The following ADCY8 variants were observed in gnomAD, a reference collection of about 807,000 sequenced individuals.
The protein encoded by ADCY8 is adenylate cyclase 8.
A neutral mutation model predicts 119.7 loss-of-function variants in ADCY8; 51 were observed. The ratio of observed to expected loss-of-function variants is 0.43; its 90% CI spans 0.34 to 0.54. The LOEUF is 0.54. ADCY8 is among the 20% of genes least tolerant of loss of function. The probability of loss-of-function intolerance (pLI) is 0.03; values close to 1 mark genes in which losing one functional copy is unlikely to be tolerated. For missense variants in ADCY8, 1,383 were observed against 1,598.8 expected, an observed-to-expected ratio of 0.87 and a Z score of 2.30; for synonymous variants, 665 against 651.0, an observed-to-expected ratio of 1.02 and a Z score of -0.33.
intron 11 of ADCY8, among the ~76,000 whole-genome samples, chr8:130,838,464 A>G (rs562592881): frequency 6.6e-6 from 1 of 152,310 alleles, no homozygotes; most frequent in East Asian, 1.9e-4. Context: ...TGACTGGGCA[A>G]TAAGAAGTTC....
In ADCY8 at chr8:130,923,205, AAG is replaced by A. The variant is rs367942267; in HGVS notation, c.1482-13341_1482-13340del. ...TTTTTGGGGGAAATAAAGAAAGGGAAAGAGAGAGAGAGAAAGAGAGAAAAGAA... is the reference window on the plus strand; with the variant it reads ...TTTTTGGGGGAAATAAAGAAAGGGAAAGAGAGAGAGAAAGAGAGAAAAGAA... On this transcript the variant is annotated intron_variant, in intron 5 of 17. Transcript: ENST00000286355. Among the ~76,000 whole-genome samples the A allele has an allele frequency of 2.3e-3, 346 of 152,040 alleles. 1 individual carries two copies. The highest frequency in any genetic ancestry group is 7.9e-3 in the South Asian group (38 of 4,804).
intron 9 of ADCY8, among the ~76,000 whole-genome samples, chr8:130,853,440 A>T (rs1474864807): frequency 6.6e-6 from 1 of 152,200 alleles, no homozygotes; most frequent in Non-Finnish European, 1.5e-5. Context: ...TAACTGTGGG[A>T]TATGAGGGCC....
intron 8 of ADCY8, among the ~76,000 whole-genome samples, chr8:130,882,503 A>T (rs1422943673): frequency 2.6e-5 from 4 of 152,088 alleles, no homozygotes; most frequent in African/African-American, 9.7e-5. Context: ...CTTCGTACGA[A>T]ACCCTGGGAA....
At chr8:131,013,700 A>G (rs1823381755) in intron 1 of ADCY8, among the ~76,000 whole-genome samples, 2 of 152,056 alleles carry the variant, frequency 1.3e-5, no homozygotes, top group African/African-American at 4.8e-5. Context: ...GGCAATTTTT[A>G]TTGGGTAATT....
intron 1 of ADCY8, among the ~76,000 whole-genome samples, chr8:131,008,341 G>A (rs1028023538): frequency 3.9e-5 from 6 of 152,126 alleles, no homozygotes; most frequent in Non-Finnish European, 8.8e-5. Context: ...CCAGATGGAG[G>A]TAATTGAAAC....
chr8:130,973,875 T>A (rs776040006), intron 2 of ADCY8, among the ~76,000 whole-genome samples: 1 of 152,186 alleles, frequency 6.6e-6, no homozygotes, highest in Non-Finnish European at 1.5e-5. Context: ...TATATATCAT[T>A]CAAGGACATA....
chr8:130,896,953 G>A (rs1318255184), intron 7 of ADCY8, among the ~76,000 whole-genome samples: 1 of 152,048 alleles, frequency 6.6e-6, no homozygotes, highest in Non-Finnish European at 1.5e-5. Flanking sequence ...AGAGCTGAAA[G>A]GAATTGTTGG....
intron 7 of ADCY8, among the ~76,000 whole-genome samples, chr8:130,887,736 T>A (rs574883782): frequency 1.3e-5 from 2 of 152,248 alleles, no homozygotes; most frequent in South Asian, 4.2e-4. Context: ...AAAGGCTACA[T>A]GTCTTTGGGG....
chr8:130,830,191 T>C (rs1816788816), intron 12 of ADCY8, among the ~76,000 whole-genome samples: 1 of 152,158 alleles, frequency 6.6e-6, no homozygotes, highest in South Asian at 2.1e-4. Flanking sequence ...ATTATTTTCC[T>C]TTCTAACAAA....
chr8:130,959,146 T>A (rs2130678108), intron 2 of ADCY8, among the ~76,000 whole-genome samples: 1 of 152,340 alleles, frequency 6.6e-6, no homozygotes, highest in African/African-American at 2.4e-5. Flanking sequence ...GTATTACCGG[T>A]TTTTAAAATA....
chr8:130,967,628 A>G (rs1200213172), intron 2 of ADCY8, among the ~76,000 whole-genome samples: 1 of 152,220 alleles, frequency 6.6e-6, no homozygotes, highest in East Asian at 1.9e-4. Flanking sequence ...TCTATAGTCT[A>G]TATTCCATGG....
chr8:130,800,612 A>G, intron 14 of ADCY8, 40 bp from the exon 15 acceptor site: 1 of 1,611,156 alleles, frequency 6.2e-7, no homozygotes, highest in Non-Finnish European at 8.5e-7. Flanking sequence ...AATGGTCATC[A>G]GAGGTCGGTT....
At chr8:130,807,439 AG>A (rs1816002188) in intron 14 of ADCY8, among the ~76,000 whole-genome samples, 1 of 152,178 alleles carries the variant, frequency 6.6e-6, no homozygotes, top group Admixed American at 6.5e-5. Context: ...TAGTATTAAG[AG>A]GTGAGGGCTT....
intron 5 of ADCY8, among the ~76,000 whole-genome samples, chr8:130,923,535 A>G (rs1820377612): frequency 6.6e-6 from 1 of 152,204 alleles, no homozygotes; most frequent in Non-Finnish European, 1.5e-5. Flanking sequence ...CACTGAAAAG[A>G]CCAAGCTCTG....
chr8:130,847,476 T>C lies in ADCY8; in HGVS notation c.2450A>G (p.Asn817Ser). 1 of 1,611,018 alleles carries C rather than the reference T, an allele frequency of 6.2e-7. No individual in the cohort carries two copies. The highest frequency in any genetic ancestry group is 8.5e-7 in the Non-Finnish European group (1 of 1,179,016). The part of the protein sequence containing the change: ...CDFDKSIPLK[N>S]LTFNSSAVFT... ...CACAGCTGAGGAATTGAAAGTCAGG[T>C]TCTTCAAGGGTATCGACTTGTCAAA... Residue 817 changes from asparagine to serine, a missense_variant, in exon 11 of 18, where the codon AAC becomes AGC. Physicochemically the swap from Asn to Ser is conservative, Grantham distance 46. Around this residue, in one of 2 missense-constraint regions of ADCY8, gnomAD observed 928 missense variants for 1,163.5 expected, o/e 0.80. Coordinates refer to ENST00000286355, the MANE Select transcript of ADCY8 (RefSeq NM_001115.3).
intron 12 of ADCY8, among the ~76,000 whole-genome samples, chr8:130,828,890 C>T (rs997838977): frequency 1.3e-5 from 2 of 152,098 alleles, no homozygotes; most frequent in Non-Finnish European, 2.9e-5. Context: ...GTGATAATGG[C>T]AGGGTATAGA....
At chr8:130,980,721 G>A (rs558787307) in intron 2 of ADCY8, among the ~76,000 whole-genome samples, 24 of 152,330 alleles carry the variant, frequency 1.6e-4, no homozygotes, top group Admixed American at 4.6e-4. Context: ...CCCTATGCCA[G>A]ATTTCCTTTT....
At chr8:130,780,978 T>C (rs1211484475) in intron 17 of ADCY8, 101 bp from the exon 18 acceptor site, 3 of 1,480,238 alleles carry the variant, frequency 2.0e-6, no homozygotes, top group East Asian at 4.6e-5. Flanking sequence ...GTGGGGTCTC[T>C]GTGGATGAAC....
At chr8:130,816,466 C>A (rs1816349477) in intron 13 of ADCY8, among the ~76,000 whole-genome samples, 1 of 130,992 alleles carries the variant, frequency 7.6e-6, no homozygotes, top group Non-Finnish European at 1.5e-5. Flanking sequence ...CGCTCTGTCG[C>A]CCAGGCTGGA....
Sources: allele counts gnomAD v4.1 joint callset (sites outside exome capture counted in the v4.1 genomes callset), GRCh38; gene constraint gnomAD v4.1.1; regional missense constraint gnomAD v4.1.1; transcripts MANE v1.5; gene names NCBI Gene and HGNC (gene_info 2026-07-23, HGNC 2026-07-21).